ESPNL: variants seen among roughly 807,000 people sequenced by gnomAD.
The protein encoded by ESPNL is espin like.
A neutral mutation model predicts 46.8 loss-of-function variants in ESPNL; 49 were observed. The ratio of observed to expected loss-of-function variants is 1.05; its 90% CI spans 0.83 to 1.33. The LOEUF (loss-of-function observed/expected upper bound fraction) is 1.33. Ranked by LOEUF, ESPNL falls within the 40% of genes most tolerant of loss-of-function variation. ESPNL has a pLI of 0.00. For synonymous variants in ESPNL, 664 were observed against 662.1 expected, an observed-to-expected ratio of 1.00 and a Z score of -0.04; for missense variants, 1,540 against 1,436.6, an observed-to-expected ratio of 1.07 and a Z score of -1.16.
chr2:238,127,738 C>T lies in ESPNL; in HGVS notation c.1215+4C>T, dbSNP rs760898869. Reference sequence around the variant, plus strand: ...CAGTGCCACGGCTGACCCCGAGGTTCGTCCTCCACCCCTGCATTCCTGTCT... The same window carrying T: ...CAGTGCCACGGCTGACCCCGAGGTTTGTCCTCCACCCCTGCATTCCTGTCT... On this transcript the variant is annotated splice_donor_region_variant and intron_variant, in intron 7 of 8. Transcript: ENST00000343063. The T allele has an allele frequency of 6.2e-6, 10 of 1,601,930 alleles. No homozygotes were observed. The highest frequency in any genetic ancestry group is 1.1e-5 in the South Asian group (1 of 88,876).
At chr2:238,126,210 C>G (rs936165186) in intron 6 of ESPNL, among the ~76,000 whole-genome samples, 5 of 66,108 alleles carry the variant, frequency 7.6e-5, no homozygotes, top group African/African-American at 3.7e-4. Flanking sequence ...TTGTGTCTCT[C>G]TGTGATTGTG....
intron 3 of ESPNL, 104 bp downstream of exon 3, chr2:238,104,946 C>G (rs754991298): frequency 9.5e-7 from 1 of 1,047,260 alleles, no homozygotes; most frequent in African/African-American, 1.6e-5. Flanking sequence ...ACTGGGGACA[C>G]GCAGGGCTGT....
At chr2:238,105,613 G>A (rs900458791) in intron 3 of ESPNL, among the ~76,000 whole-genome samples, 1 of 152,002 alleles carries the variant, frequency 6.6e-6, no homozygotes, top group Non-Finnish European at 1.5e-5. Context: ...AAGGAGTGGG[G>A]CCCAAAGCAA....
intron 8 of ESPNL, chr2:238,129,140 C>A: frequency 7.2e-7 from 1 of 1,396,604 alleles, no homozygotes; most frequent in African/African-American, 1.5e-5. Flanking sequence ...TTCCACTTGG[C>A]GGATTTGTGG....
At chr2:238,128,996 T>C in intron 8 of ESPNL, 92 bp downstream of exon 8, 13 of 1,464,212 alleles carry the variant, frequency 8.9e-6, no homozygotes, top group South Asian at 1.4e-5. Flanking sequence ...AGCCCAGAAC[T>C]GAATCCAAGA....
chr2:238,119,794 T>C (rs1266065894), intron 5 of ESPNL, among the ~76,000 whole-genome samples: 1 of 151,952 alleles, frequency 6.6e-6, no homozygotes, highest in Non-Finnish European at 1.5e-5. Flanking sequence ...ACCCTTTGTC[T>C]CCCCAAGGGG....
At position 238,131,158 on chromosome 2, in the gene ESPNL, T is replaced by C. The variant is rs781163720; in HGVS notation, c.2444T>C (p.Met815Thr). ...CTGCTGGGCAACTGGAAGGCCATCA[T>C]GGCTCACGTGCCCGCCCGGCAGCTG... is the stretch of plus-strand genomic sequence containing the variant. ...THLLGNWKAIMAHVPARQLRR... is the reference protein window; with the variant it reads ...THLLGNWKAITAHVPARQLRR... The change falls in exon 9 of 9, where the codon ATG becomes ACG. Residue 815 changes from methionine to threonine, a missense_variant. Physicochemically the swap from Met to Thr is moderately conservative, Grantham distance 81. Transcript: ENST00000343063. 3.2e-6 allele frequency: 5 copies of C among 1,546,086 alleles called. No individual in the cohort carries two copies. The highest frequency in any genetic ancestry group is 4.4e-6 in the Non-Finnish European group (5 of 1,147,056).
rs114390286 is a variant in ESPNL at position 238,132,398 on chromosome 2, C to T, written c.*666C>T. 5,724 of 152,572 alleles carry T rather than the reference C, an allele frequency of 0.038. 143 individuals are homozygous for T. Among genetic ancestry groups the T allele is most frequent in the Non-Finnish European group, 0.058 (3,961 of 68,264 alleles). The allele number at this position is 152,572 out of a possible 1,614,324, so 9.5% of individuals were successfully genotyped here. A position where few individuals can be genotyped will look rare whatever the true frequency, so the allele number is the denominator to read the frequency against. The stretch of plus-strand genomic sequence containing the variant: ...GGCCCCTGTCCTCCAGCCTGACCAG[C>T]CCTGGCCTAGTCGTGGGCCCCAGCA... On this transcript the variant is annotated 3_prime_UTR_variant, in exon 9 of 9. Transcript: ENST00000343063.
intron 3 of ESPNL, 31 bp from the exon 4 acceptor site, chr2:238,107,760 A>T (rs772739413): frequency 3.3e-6 from 5 of 1,536,894 alleles, no homozygotes; most frequent in East Asian, 2.4e-5. Flanking sequence ...CCCTGGGAGG[A>T]TGGCTGCTCC....
chr2:238,116,569 G>A (rs915526921), intron 4 of ESPNL, among the ~76,000 whole-genome samples: 2 of 152,230 alleles, frequency 1.3e-5, no homozygotes, highest in African/African-American at 4.8e-5. Context: ...ACCTCCAAGG[G>A]TGGCAAACAT....
rs961773628 is a variant in ESPNL at position 238,102,125 on chromosome 2, A to G, written c.479A>G (p.His160Arg). The G allele has an allele frequency of 2.6e-6, 4 of 1,540,750 alleles. No individual in the cohort carries two copies. The highest frequency in any genetic ancestry group is 1.4e-5 in the African/African-American group (1 of 73,132). Reference protein sequence around the residue: ...LTCLKLLTAAHGSSVNRRTRS... With the variant: ...LTCLKLLTAARGSSVNRRTRS... Reference sequence around the variant, plus strand: ...TGCCTCAAGCTCCTGACAGCCGCGCATGGCAGGTAAGGAGCCCAAAGTCCC... The same window carrying G: ...TGCCTCAAGCTCCTGACAGCCGCGCGTGGCAGGTAAGGAGCCCAAAGTCCC... The change falls in exon 2 of 9, where the codon CAT (histidine) becomes CGT (arginine). Residue 160 changes from histidine (H) to arginine (R), a missense_variant. His to Arg is a conservative substitution (Grantham distance 29, BLOSUM62 0). Transcript: ENST00000343063.
At chr2:238,113,918 C>T (rs1013758142) in intron 4 of ESPNL, among the ~76,000 whole-genome samples, 9 of 152,160 alleles carry the variant, frequency 5.9e-5, no homozygotes, top group South Asian at 4.1e-4. Context: ...CTGGGCTCCC[C>T]GACACCCCTC....
intron 3 of ESPNL, 51 bp downstream of exon 3, chr2:238,104,893 C>G (rs1356019930): frequency 7.3e-6 from 10 of 1,376,560 alleles, no homozygotes; most frequent in Non-Finnish European, 7.6e-6. Context: ...TGTGGGCCCT[C>G]CAGCAAGCAG....
chr2:238,104,575 G>A, intron 2 of ESPNL, 81 bp from the exon 3 acceptor site: 6 of 1,388,560 alleles, frequency 4.3e-6, no homozygotes, highest in African/African-American at 1.5e-5. Context: ...GGGCCAGGGG[G>A]CAGCGGTGAA....
chr2:238,117,828 G>T (rs1182119648), intron 5 of ESPNL, among the ~76,000 whole-genome samples: 1 of 152,178 alleles, frequency 6.6e-6, no homozygotes, highest in African/African-American at 2.4e-5. Flanking sequence ...AATGAATGGG[G>T]CAGGGAGGCC....
chr2:238,111,760 C>T (rs961184455), intron 4 of ESPNL, among the ~76,000 whole-genome samples: 1 of 152,174 alleles, frequency 6.6e-6, no homozygotes, highest in African/African-American at 2.4e-5. Flanking sequence ...GTAAATATCT[C>T]TGAGATCCAG....
rs768369436 is a variant in ESPNL at position 238,130,775 on chromosome 2, C to T, written c.2061C>T (p.Cys687=). The T allele has an allele frequency of 5.8e-6, 9 of 1,546,944 alleles. No individual in the cohort carries two copies. In the South Asian group the frequency reaches 9.4e-5, roughly 16 times the overall value. ...GAQHRQCLSG[C]WPALPKPRSG... Reference sequence around the variant, plus strand: ...AGCACAGGCAGTGCCTGAGTGGCTGCTGGCCAGCCCTGCCTAAGCCCCGCA... The same window carrying T: ...AGCACAGGCAGTGCCTGAGTGGCTGTTGGCCAGCCCTGCCTAAGCCCCGCA... The change falls in exon 9 of 9, where the codon TGC becomes TGT. Residue 687 remains cysteine (C), a synonymous_variant. Coordinates refer to ENST00000343063, the MANE Select transcript of ESPNL (RefSeq NM_194312.4).
intron 7 of ESPNL, 82 bp from the exon 8 acceptor site, chr2:238,128,625 C>A (rs1014871233): frequency 2.1e-5 from 29 of 1,398,126 alleles, no homozygotes; most frequent in Non-Finnish European, 2.5e-5. Context: ...GCGGAGCCAA[C>A]CCCCCACGTC....
chr2:238,109,171 G>A (rs1691665012), intron 4 of ESPNL, among the ~76,000 whole-genome samples: 1 of 152,224 alleles, frequency 6.6e-6, no homozygotes, highest in African/African-American at 2.4e-5. Flanking sequence ...GGCTCAGGCA[G>A]GCCCCAGGAG....
Sources: allele counts gnomAD v4.1 joint callset (sites outside exome capture counted in the v4.1 genomes callset), GRCh38; gene constraint gnomAD v4.1.1; transcripts MANE v1.5; gene names NCBI Gene and HGNC (gene_info 2026-07-23, HGNC 2026-07-21).